TANC2: variants seen among roughly 807,000 people sequenced by gnomAD.
TANC2 encodes the protein protein TANC2.
In TANC2, 26 loss-of-function variants were observed where a neutral mutation model predicts 210.5. The ratio of observed to expected loss-of-function variants is 0.12; its 90% CI spans 0.09 to 0.17. The LOEUF is 0.17. Among genes scored for constraint, TANC2 ranks in the 10% least tolerant of loss-of-function variants. TANC2 has a pLI of 1.00. For synonymous variants in TANC2, 931 were observed against 967.1 expected (o/e 0.96, Z 0.69); for missense variants, 2,129 against 2,608.9 (o/e 0.82, Z 4.01).
At chr17:63,289,810 T>C (rs964091479) in intron 9 of TANC2, among the ~76,000 whole-genome samples, 2 of 152,208 alleles carry the variant, frequency 1.3e-5, no homozygotes, top group Non-Finnish European at 2.9e-5. Flanking sequence ...TGGGCCTTTA[T>C]TATTAATCAT....
chr17:63,022,579 A>G (rs2034396051), intron 2 of TANC2, among the ~76,000 whole-genome samples: 1 of 152,238 alleles, frequency 6.6e-6, no homozygotes. Context: ...CAAGAGTGTG[A>G]CCTGATGACC....
At chr17:63,180,544 G>T (rs1018578509) in intron 5 of TANC2, among the ~76,000 whole-genome samples, 1 of 152,180 alleles carries the variant, frequency 6.6e-6, no homozygotes, top group African/African-American at 2.4e-5. Flanking sequence ...TTATCAGGAA[G>T]CTGAGAAACT....
At chr17:63,342,788 AAAG>A (rs1468864103) in intron 12 of TANC2, among the ~76,000 whole-genome samples, 1 of 152,134 alleles carries the variant, frequency 6.6e-6, no homozygotes, top group Non-Finnish European at 1.5e-5. Flanking sequence ...AAAAAAAAGA[AAAG>A]AAGGCTATCC....
rs769692182 is a variant in TANC2, at chr17:63,407,570, T to TC, written c.3589+1295dup. On this transcript the variant is annotated intron_variant, in intron 21 of 27. Coordinates refer to ENST00000689528, the Ensembl canonical transcript of TANC2. ...TCATCTTTGGACTGTTTCATTTTTT[T>TC]CCACACTTAGAGGCTTAATGAATTC... 3.9e-5 allele frequency among the ~76,000 whole-genome samples: 6 copies of TC among 152,370 alleles called. No homozygotes were observed. The Middle Eastern group carries it at 0.014, about 346-fold the overall frequency.
chr17:63,415,473 TC>T (rs772633745), intron 25 of TANC2, 54 bp from the exon 26 acceptor site: 792 of 1,598,260 alleles, frequency 5.0e-4, no homozygotes, highest in Non-Finnish European at 6.1e-4. Flanking sequence ...GGACCACACT[TC>T]CTCAGCTGTT....
rs190879890 is a variant in TANC2, at chr17:63,354,710, C to A, written c.1975-73C>A. On this transcript the variant is annotated intron_variant, in intron 13 of 27. Coordinates refer to ENST00000689528, the Ensembl canonical transcript of TANC2. ...TCGAAGTTCAGAATACATTTGTGAACCTCATAGTTTATCACAAGAGTTAGG... is the reference window on the plus strand; with the variant it reads ...TCGAAGTTCAGAATACATTTGTGAAACTCATAGTTTATCACAAGAGTTAGG... The A allele has an allele frequency of 3.3e-6, 5 of 1,505,732 alleles. No homozygotes were observed. In the East Asian group the frequency reaches 1.1e-4, roughly 34 times the overall value. 93.3% of individuals were successfully genotyped at this position (1,505,732 alleles called of 1,614,324 possible). A position where few individuals can be genotyped will look rare whatever the true frequency, so the allele number is the denominator to read the frequency against.
chr17:63,386,670 T>C (rs1419745896), intron 15 of TANC2, among the ~76,000 whole-genome samples: 3 of 152,218 alleles, frequency 2.0e-5, no homozygotes, highest in Non-Finnish European at 4.4e-5. Flanking sequence ...TGCGTATATA[T>C]AGAAAATGTG....
intron 9 of TANC2, among the ~76,000 whole-genome samples, chr17:63,272,969 C>T (rs200119761): frequency 6.6e-6 from 1 of 150,730 alleles, no homozygotes; most frequent in Non-Finnish European, 1.5e-5. Context: ...TTTTTGGTCC[C>T]GGGAGCCTTT....
intron 19 of TANC2, among the ~76,000 whole-genome samples, chr17:63,404,094 A>G (rs2048424907): frequency 6.6e-6 from 1 of 152,212 alleles, no homozygotes; most frequent in Non-Finnish European, 1.5e-5. Flanking sequence ...TGACTACTAC[A>G]TCAATTTTTT....
intron 14 of TANC2, among the ~76,000 whole-genome samples, chr17:63,371,028 A>G (rs2047252651): frequency 6.6e-6 from 1 of 152,158 alleles, no homozygotes; most frequent in Non-Finnish European, 1.5e-5. Flanking sequence ...AATAACCCAC[A>G]TTAGCCTCCG....
intron 9 of TANC2, among the ~76,000 whole-genome samples, chr17:63,298,658 T>C (rs1260324972): frequency 6.6e-6 from 1 of 152,206 alleles, no homozygotes; most frequent in East Asian, 1.9e-4. Flanking sequence ...TTGTACACTT[T>C]AAAGTGGTTA....
At position 63,275,498 on chromosome 17, in the gene TANC2, A is replaced by G. The variant is rs75587571; in HGVS notation, c.1159+7625A>G. Among the ~76,000 whole-genome samples, 54 of 152,270 alleles carry G rather than the reference A, an allele frequency of 3.5e-4. No individual in the cohort carries two copies. The East Asian group carries it at 0.01, about 29-fold the overall frequency. ...ACTGTTCTGAAACAATGAATCCTTT[A>G]TGATGATGACTAAGATGCATGTCAT... On this transcript the variant is annotated intron_variant, in intron 9 of 27. Transcript: ENST00000689528.
exon 28 of TANC2, chr17:63,422,243 A>G (rs2049043747): frequency 3.2e-6 from 1 of 311,698 alleles, no homozygotes; most frequent in Non-Finnish European, 5.9e-6. Flanking sequence ...GGGAGATCAG[A>G]CACACTGGTC....
chr17:63,302,763 A>T (rs1052401937), intron 9 of TANC2, among the ~76,000 whole-genome samples: 1 of 151,284 alleles, frequency 6.6e-6, no homozygotes, highest in South Asian at 2.1e-4. Context: ...AGTCTGTGTC[A>T]GGTTTTTTGT....
At chr17:63,417,708 G>T (rs1339409110) in intron 26 of TANC2, among the ~76,000 whole-genome samples, 5 of 152,158 alleles carry the variant, frequency 3.3e-5, no homozygotes, top group African/African-American at 7.2e-5. Flanking sequence ...TACCCCCGGG[G>T]TAGGTATGGA....
chr17:63,292,915 A>T (rs1478849583), intron 9 of TANC2, among the ~76,000 whole-genome samples: 1 of 152,214 alleles, frequency 6.6e-6, no homozygotes, highest in Non-Finnish European at 1.5e-5. Context: ...TACGATGCAA[A>T]CTGAGGCAGC....
chr17:63,108,159 A>G (rs2037897440), intron 4 of TANC2, among the ~76,000 whole-genome samples: 1 of 151,788 alleles, frequency 6.6e-6, no homozygotes, highest in Non-Finnish European at 1.5e-5. Context: ...AACACTAGGC[A>G]TAAATGAGTT....
chr17:63,009,695 T>A, intron 2 of TANC2, 69 bp downstream of exon 2: 1 of 1,331,146 alleles, frequency 7.5e-7, no homozygotes, highest in Non-Finnish European at 1.1e-6. Context: ...GGTCCTGAAT[T>A]AATGCTGTAA....
intron 6 of TANC2, among the ~76,000 whole-genome samples, chr17:63,198,475 C>T (rs1348623710): frequency 1.3e-5 from 2 of 152,194 alleles, no homozygotes; most frequent in Admixed American, 1.3e-4. Context: ...GGATTACAGA[C>T]ATAGGCCACC....
Sources: allele counts gnomAD v4.1 joint callset (sites outside exome capture counted in the v4.1 genomes callset), GRCh38; gene constraint gnomAD v4.1.1; transcripts MANE v1.5; gene names NCBI Gene and HGNC (gene_info 2026-07-23, HGNC 2026-07-21).